Variants in CTNNA3 observed in about 807,000 individuals in gnomAD.
The protein encoded by CTNNA3 is catenin alpha-3.
Under a neutral mutation model 95.7 loss-of-function variants are expected in CTNNA3, and 76 were observed. That is an observed-to-expected ratio of 0.79 (90% CI 0.66 to 0.96). The LOEUF is 0.96. Among genes scored for constraint, CTNNA3 ranks in the 40% least tolerant of loss-of-function variants. The probability of loss-of-function intolerance (pLI) is 0.00; values close to 1 mark genes in which losing one functional copy is unlikely to be tolerated. For synonymous variants in CTNNA3, 431 were observed against 374.4 expected (o/e 1.15, Z -1.74); for missense variants, 1,191 against 1,089.8 (o/e 1.09, Z -1.31).
intron 7 of CTNNA3, among the ~76,000 whole-genome samples, chr10:67,170,713 C>T (rs1421133944): frequency 6.6e-6 from 1 of 152,084 alleles, no homozygotes; most frequent in Non-Finnish European, 1.5e-5. Context: ...ACAACAAACT[C>T]CCATGCCACA....
chr10:66,119,765 C>A (rs1293446361), intron 13 of CTNNA3, among the ~76,000 whole-genome samples: 1 of 151,934 alleles, frequency 6.6e-6, no homozygotes, highest in Non-Finnish European at 1.5e-5. Context: ...ATTAAATAAG[C>A]ACTCATTAAT....
chr10:67,413,144 C>T (rs61137508), intron 5 of CTNNA3, among the ~76,000 whole-genome samples: 11 of 152,072 alleles, frequency 7.2e-5, no homozygotes, highest in East Asian at 5.8e-4. Flanking sequence ...TAAAAGTATG[C>T]GGTAAGATCT....
At chr10:67,000,841 G>A (rs1358373734) in intron 7 of CTNNA3, among the ~76,000 whole-genome samples, 1 of 152,156 alleles carries the variant, frequency 6.6e-6, no homozygotes, top group Non-Finnish European at 1.5e-5. Context: ...AAGGCAATCT[G>A]AGAATTTAAT....
intron 10 of CTNNA3, among the ~76,000 whole-genome samples, chr10:66,573,401 C>T (rs997999506): frequency 6.6e-6 from 1 of 152,184 alleles, no homozygotes; most frequent in African/African-American, 2.4e-5. Flanking sequence ...GGTAACACAG[C>T]TGTCTCCTCC....
intron 5 of CTNNA3, among the ~76,000 whole-genome samples, chr10:67,468,707 G>C (rs1235647008): frequency 6.6e-6 from 1 of 152,146 alleles, no homozygotes; most frequent in East Asian, 1.9e-4. Flanking sequence ...TTACTGGTTA[G>C]AGGCAGATGA....
At chr10:66,729,907 A>T (rs537502289) in intron 9 of CTNNA3, among the ~76,000 whole-genome samples, 6 of 151,564 alleles carry the variant, frequency 4.0e-5, no homozygotes, top group African/African-American at 1.5e-4. Context: ...GATCGAGACC[A>T]TCCTGGCTAA....
At chr10:67,302,196 T>G (rs1432589977) in intron 5 of CTNNA3, among the ~76,000 whole-genome samples, 2 of 152,116 alleles carry the variant, frequency 1.3e-5, no homozygotes, top group Non-Finnish European at 2.9e-5. Flanking sequence ...ATCTCATTTA[T>G]ATGTGGAATC....
chr10:65,998,571 G>T (rs1378893515), intron 15 of CTNNA3, among the ~76,000 whole-genome samples: 1 of 152,080 alleles, frequency 6.6e-6, no homozygotes, highest in African/African-American at 2.4e-5. Flanking sequence ...TAAAGCAATT[G>T]TTTTGATGCT....
intron 1 of CTNNA3, among the ~76,000 whole-genome samples, chr10:67,659,835 G>A (rs1840129363): frequency 6.6e-6 from 1 of 152,166 alleles, no homozygotes; most frequent in African/African-American, 2.4e-5. Context: ...CGTAAGGTCT[G>A]ATATTTTTAA....
chr10:66,119,881 T>G (rs2082502360), intron 13 of CTNNA3, among the ~76,000 whole-genome samples: 1 of 152,150 alleles, frequency 6.6e-6, no homozygotes, highest in African/African-American at 2.4e-5. Flanking sequence ...TCTGGAAAAC[T>G]TATTTGGCAT....
At chr10:67,015,881 G>A (rs1482245278) in intron 7 of CTNNA3, among the ~76,000 whole-genome samples, 11 of 151,644 alleles carry the variant, frequency 7.3e-5, no homozygotes, top group Admixed American at 4.6e-4. Context: ...TTCCAACCTA[G>A]TATCTATGCT....
chr10:67,132,377 A>C (rs1325918837), intron 7 of CTNNA3, among the ~76,000 whole-genome samples: 2 of 152,030 alleles, frequency 1.3e-5, no homozygotes, highest in Non-Finnish European at 2.9e-5. Flanking sequence ...AGAAAATGGA[A>C]AGTGGTCTTT....
At chr10:67,011,797 G>T (rs1335171125) in intron 7 of CTNNA3, among the ~76,000 whole-genome samples, 1 of 152,090 alleles carries the variant, frequency 6.6e-6, no homozygotes, top group Non-Finnish European at 1.5e-5. Context: ...ATACAGAAGA[G>T]AAAATGGAAG....
intron 7 of CTNNA3, chr10:66,928,200 C>T (rs1847182971): frequency 6.2e-7 from 1 of 1,613,994 alleles, no homozygotes; most frequent in African/African-American, 1.3e-5. Context: ...TGGCGCTTTT[C>T]CTGTCCGTGC....
chr10:66,893,195 C>T (rs939577334), intron 7 of CTNNA3, among the ~76,000 whole-genome samples: 1 of 152,046 alleles, frequency 6.6e-6, no homozygotes, highest in Non-Finnish European at 1.5e-5. Context: ...AAAAGCATTA[C>T]AAAGCTCTCT....
intron 1 of CTNNA3, among the ~76,000 whole-genome samples, chr10:67,679,087 C>T (rs933567705): frequency 3.9e-5 from 6 of 152,024 alleles, no homozygotes; most frequent in Non-Finnish European, 7.4e-5. Context: ...AATTGATAAA[C>T]GAGAAAGGAG....
intron 15 of CTNNA3, among the ~76,000 whole-genome samples, chr10:66,027,144 T>C (rs76055117): frequency 8.3e-4 from 126 of 152,256 alleles, no homozygotes; most frequent in African/African-American, 2.9e-3. Flanking sequence ...GAGTTTGCTA[T>C]GGCTCTAGTT....
intron 12 of CTNNA3, among the ~76,000 whole-genome samples, chr10:66,352,980 G>A (rs962823553): frequency 6.6e-6 from 1 of 151,900 alleles, no homozygotes; most frequent in African/African-American, 2.4e-5. Flanking sequence ...TTCTCAAGCT[G>A]AGCCATAGGT....
At chr10:66,817,735 T>C (rs894633957) in intron 7 of CTNNA3, among the ~76,000 whole-genome samples, 1 of 152,000 alleles carries the variant, frequency 6.6e-6, no homozygotes, top group African/African-American at 2.4e-5. Context: ...AAATTAATAC[T>C]AATTCTTCAC....
Sources: allele counts gnomAD v4.1 joint callset (sites outside exome capture counted in the v4.1 genomes callset), GRCh38; gene constraint gnomAD v4.1.1; transcripts MANE v1.5; gene names NCBI Gene and HGNC (gene_info 2026-07-23, HGNC 2026-07-21).